The following RAB20 variants were observed in gnomAD, a reference collection of about 807,000 sequenced individuals.
RAB20 encodes the protein RAB20, member RAS oncogene family, also known as ras-related protein Rab-20.
Under a neutral mutation model 3.7 loss-of-function variants are expected in RAB20, and 2 were observed. The ratio of observed to expected loss-of-function variants is 0.54; its 90% CI spans 0.22 to 1.69. The LOEUF (loss-of-function observed/expected upper bound fraction) is 1.69, where lower values mean the gene tolerates loss of function less well. RAB20 is among the 40% of genes most tolerant of loss of function. The pLI is 0.19. For missense variants in RAB20, 276 were observed against 311.9 expected (o/e 0.88, Z 0.87); for synonymous variants, 126 against 130.8 (o/e 0.96, Z 0.25).
intron 1 of RAB20, among the ~76,000 whole-genome samples, chr13:110,533,568 C>A (rs1389971362): frequency 2.6e-5 from 4 of 152,034 alleles, no homozygotes; most frequent in Non-Finnish European, 4.4e-5. Flanking sequence ...TGCCTGTAGT[C>A]CCAGCTACTC....
chr13:110,553,613 C>T (rs1459024397), intron 1 of RAB20, among the ~76,000 whole-genome samples: 1 of 152,204 alleles, frequency 6.6e-6, no homozygotes, highest in Non-Finnish European at 1.5e-5. Flanking sequence ...TGTGGCTGTG[C>T]CAATAAAACT....
intron 1 of RAB20, among the ~76,000 whole-genome samples, chr13:110,528,430 A>G (rs1884471411): frequency 6.6e-6 from 1 of 151,346 alleles, no homozygotes; most frequent in African/African-American, 2.4e-5. Context: ...AAAAAAAACA[A>G]AAAACAGAAA....
At chr13:110,524,387 G>A (rs970011741) in intron 1 of RAB20, among the ~76,000 whole-genome samples, 190 bp from the exon 2 acceptor site, 13 of 152,172 alleles carry the variant, frequency 8.5e-5, no homozygotes, top group African/African-American at 2.7e-4. Flanking sequence ...GCAGCCCCTC[G>A]AGAAAACAAG....
chr13:110,531,632 G>A (rs1428040993), intron 1 of RAB20, among the ~76,000 whole-genome samples: 2 of 152,222 alleles, frequency 1.3e-5, no homozygotes, highest in East Asian at 3.8e-4. Flanking sequence ...ATTAGGCCCT[G>A]TAATAGAAGT....
intron 1 of RAB20, among the ~76,000 whole-genome samples, chr13:110,531,552 C>T (rs1425558438): frequency 6.6e-6 from 1 of 152,230 alleles, no homozygotes; most frequent in African/African-American, 2.4e-5. Flanking sequence ...ATGTGGGTTA[C>T]ACCTGCCAAA....
chr13:110,561,395 T>C lies in RAB20; in HGVS notation c.125A>G (p.Tyr42Cys), dbSNP rs751507657. The change falls in exon 1 of 2, where the codon TAC becomes TGC. Residue 42 changes from tyrosine to cysteine, a missense_variant. Coordinates refer to ENST00000267328, the MANE Select transcript of RAB20 (RefSeq NM_017817.3). ...DTVSTVGGAFYLKQWRSYNIS... is the reference protein window; with the variant it reads ...DTVSTVGGAFCLKQWRSYNIS... Reference sequence around the variant, plus strand: ...GTTGTAGGAGCGCCACTGCTTCAGGTAGAAGGCGCCGCCCACCGTGCTGAC... The same window carrying C: ...GTTGTAGGAGCGCCACTGCTTCAGGCAGAAGGCGCCGCCCACCGTGCTGAC... 6.2e-6 allele frequency: 10 copies of C among 1,609,542 alleles called. No homozygotes were observed. The highest frequency in any genetic ancestry group is 1.3e-5 in the African/African-American group (1 of 74,394).
intron 1 of RAB20, among the ~76,000 whole-genome samples, chr13:110,525,533 G>T (rs1884414323): frequency 6.6e-6 from 1 of 152,210 alleles, no homozygotes; most frequent in South Asian, 2.1e-4. Flanking sequence ...TCCACTCAAG[G>T]GCTACCTAGG....
Position 110,534,878 on chromosome 13 carries a change from G to A in RAB20, c.173-10681C>T, listed in dbSNP as rs916315740. The stretch of plus-strand genomic sequence containing the variant: ...AGACAGGGTCTCGCTCTGTCACCCA[G>A]GCTGGAGTGCAGTGGCTCAATCATG... On this transcript the variant is annotated intron_variant, in intron 1 of 1. Transcript: ENST00000267328. Among the ~76,000 whole-genome samples, 60 of 152,312 alleles carry A rather than the reference G, an allele frequency of 3.9e-4. 1 individual carries two copies. Among genetic ancestry groups the A allele is most frequent in the Non-Finnish European group, 1.0e-4 (7 of 68,022 alleles).
intron 1 of RAB20, among the ~76,000 whole-genome samples, chr13:110,550,432 T>C (rs1884933713): frequency 6.6e-6 from 1 of 152,172 alleles, no homozygotes. Flanking sequence ...TCCAGATGCC[T>C]GGAATTGCAA....
At chr13:110,559,789 A>C (rs1209627847) in intron 1 of RAB20, among the ~76,000 whole-genome samples, 1 of 152,212 alleles carries the variant, frequency 6.6e-6, no homozygotes, top group Non-Finnish European at 1.5e-5. Flanking sequence ...TGAAGAAGCA[A>C]GAGGCCAGTG....
intron 1 of RAB20, among the ~76,000 whole-genome samples, chr13:110,553,731 A>C (rs538193126): frequency 6.6e-6 from 1 of 152,330 alleles, no homozygotes; most frequent in African/African-American, 2.4e-5. Context: ...TGTCAGGCTG[A>C]GGGTCACCAT....
chr13:110,526,500 C>T (rs891220038), intron 1 of RAB20, among the ~76,000 whole-genome samples: 2 of 152,166 alleles, frequency 1.3e-5, no homozygotes, highest in African/African-American at 4.8e-5. Context: ...ATAAATGGTC[C>T]CATGTCACTC....
At chr13:110,526,038 A>G (rs1884424671) in intron 1 of RAB20, among the ~76,000 whole-genome samples, 1 of 152,218 alleles carries the variant, frequency 6.6e-6, no homozygotes. Flanking sequence ...TGAGACTGAG[A>G]CCTGTGCTCA....
At chr13:110,537,519 G>C (rs895759174) in intron 1 of RAB20, among the ~76,000 whole-genome samples, 4 of 151,878 alleles carry the variant, frequency 2.6e-5, no homozygotes, top group Non-Finnish European at 5.9e-5. Context: ...ACCTTGAAGA[G>C]GAAGCTGCCA....
intron 1 of RAB20, among the ~76,000 whole-genome samples, chr13:110,541,289 A>G (rs1420246197): frequency 6.6e-6 from 1 of 152,180 alleles, no homozygotes; most frequent in East Asian, 1.9e-4. Flanking sequence ...TCTGTGGCAC[A>G]GGGTAACAGG....
chr13:110,524,112 C>G lies in RAB20; in HGVS notation c.258G>C (p.Gln86His). 6.2e-7 allele frequency: 1 copy of G among 1,612,758 alleles called. No homozygotes were observed. The highest frequency in any genetic ancestry group is 1.1e-5 in the South Asian group (1 of 91,074). ...IILTYDVNHR[Q>H]SLVELEDRFL... ...ACCGGTCCTCCAGCTCCACCAGGCT[C>G]TGCCGGTGATTCACATCATAGGTGA... Residue 86 changes from glutamine (Q) to histidine (H), a missense_variant, in exon 2 of 2, where the codon CAG becomes CAC. Physicochemically the swap from Gln to His is conservative, Grantham distance 24 (BLOSUM62 0). Transcript: ENST00000267328.
At chr13:110,538,238 C>CAAAAAAAAAAAAA (rs570075617) in intron 1 of RAB20, among the ~76,000 whole-genome samples, 1 of 78,528 alleles carries the variant, frequency 1.3e-5, no homozygotes, top group Admixed American at 1.4e-4. Flanking sequence ...GACCTTGTCT[C>CAAAAAAAAAAAAA]AAAAAAAAAA....
chr13:110,543,408 T>A (rs953032630), intron 1 of RAB20, among the ~76,000 whole-genome samples: 1 of 152,166 alleles, frequency 6.6e-6, no homozygotes, highest in Non-Finnish European at 1.5e-5. Flanking sequence ...GCTGGGATTA[T>A]AGGTGAGAGC....
chr13:110,526,921 G>A (rs532821509), intron 1 of RAB20, among the ~76,000 whole-genome samples: 4 of 152,258 alleles, frequency 2.6e-5, no homozygotes, highest in South Asian at 4.2e-4. Flanking sequence ...GTGACTGCAC[G>A]CACTTGGGCA....
Sources: allele counts gnomAD v4.1 joint callset (sites outside exome capture counted in the v4.1 genomes callset), GRCh38; gene constraint gnomAD v4.1.1; transcripts MANE v1.5; gene names NCBI Gene and HGNC (gene_info 2026-07-23, HGNC 2026-07-21).